ARHGEF28: variants seen among roughly 807,000 people sequenced by gnomAD.
The protein encoded by ARHGEF28 is Rho guanine nucleotide exchange factor 28, also known as 190 kDa guanine nucleotide exchange factor.
ARHGEF28 carries 152 observed loss-of-function variants against 206.6 expected under a neutral mutation model. That is an observed-to-expected ratio of 0.74 (90% CI 0.64 to 0.84). The LOEUF is 0.84. Among genes scored for constraint, ARHGEF28 ranks in the 40% least tolerant of loss-of-function variants. The pLI, the probability that ARHGEF28 is intolerant of heterozygous loss-of-function variation, is 0.00. For missense variants in ARHGEF28, 2,028 were observed against 2,073.2 expected (o/e 0.98, Z 0.42); for synonymous variants, 763 against 776.4 (o/e 0.98, Z 0.29).
intron 9 of ARHGEF28, chr5:73,813,570 A>T: frequency 2.0e-6 from 3 of 1,535,324 alleles, no homozygotes; most frequent in African/African-American, 2.7e-5. Context: ...TCATCTGTTG[A>T]TTTCACCAAA....
At chr5:73,810,946 G>C (rs540528266) in intron 9 of ARHGEF28, among the ~76,000 whole-genome samples, 1 of 152,306 alleles carries the variant, frequency 6.6e-6, no homozygotes, top group East Asian at 1.9e-4. Context: ...TCAACTGTAA[G>C]AAGTATAGTA....
chr5:73,626,667 C>A (rs1052925923), intron 1 of ARHGEF28, among the ~76,000 whole-genome samples: 1 of 152,154 alleles, frequency 6.6e-6, no homozygotes, highest in African/African-American at 2.4e-5. Flanking sequence ...AGCACTCCTG[C>A]GGTGGAGAAG....
intron 7 of ARHGEF28, among the ~76,000 whole-genome samples, chr5:73,781,718 G>A (rs541103419): frequency 6.6e-6 from 1 of 152,110 alleles, no homozygotes; most frequent in South Asian, 2.1e-4. Context: ...GGGTATTTAG[G>A]GTAAAGGTTT....
At position 73,821,119 on chromosome 5, in the gene ARHGEF28, C is replaced by T. The variant is rs143461175; in HGVS notation, c.1025-11219C>T. Among the ~76,000 whole-genome samples the T allele has an allele frequency of 2.5e-3, 373 of 152,028 alleles. 2 individuals are homozygous for T. The highest frequency in any genetic ancestry group is 8.2e-3 in the African/African-American group (340 of 41,446). On this transcript the variant is annotated intron_variant, in intron 9 of 35. Transcript: ENST00000513042. Reference sequence around the variant, plus strand: ...ATCCCACATCCAGCTCTCATTCATCCCTACCTACCCGGTAGTATCTCGGAG... The same window carrying T: ...ATCCCACATCCAGCTCTCATTCATCTCTACCTACCCGGTAGTATCTCGGAG...
In ARHGEF28 at chr5:73,909,708, G is replaced by A. The variant is rs1318052702; in HGVS notation, c.4458G>A (p.Leu1486=). 1 of 1,529,260 alleles carries A rather than the reference G, an allele frequency of 6.5e-7. No homozygotes were observed. Among genetic ancestry groups the A allele is most frequent in the Non-Finnish European group, 8.8e-7 (1 of 1,136,994 alleles). The allele number at this position is 1,529,260 out of a possible 1,614,324, so 94.7% of individuals were successfully genotyped here. A position where few individuals can be genotyped will look rare whatever the true frequency, so the allele number is the denominator to read the frequency against. Residue 1486 remains leucine (L), a synonymous_variant, in exon 34 of 36, where the codon CTG becomes CTA. Coordinates refer to ENST00000513042, the MANE Select transcript of ARHGEF28 (RefSeq NM_001177693.2). The part of the protein sequence containing the change: ...ERECQSQEEL[L]LRSRGELDLQ... ...AGTGCCAGTCGCAGGAGGAGCTGCT[G>A]CTGCGGAGCCGGGGCGAGCTGGACC...
Position 73,893,410 on chromosome 5 carries a change from G to A in ARHGEF28, c.3658+122G>A, listed in dbSNP as rs537772104. On this transcript the variant is annotated intron_variant, in intron 28 of 35. Coordinates refer to ENST00000513042, the MANE Select transcript of ARHGEF28 (RefSeq NM_001177693.2). ...CATCCTGTGCACCTGAGGCCCACCT[G>A]GACCACCCTCCCGAGAAACTTACAC... 29 of 586,864 alleles carry A rather than the reference G, an allele frequency of 4.9e-5. No homozygotes were observed. The South Asian group carries it at 1.5e-3, about 31-fold the overall frequency. The allele number at this position is 586,864 out of a possible 1,614,324, so 36.4% of individuals were successfully genotyped here. A position where few individuals can be genotyped will look rare whatever the true frequency, so the allele number is the denominator to read the frequency against.
chr5:73,904,844 A>C (rs1362069378), intron 33 of ARHGEF28: 1 of 165,208 alleles, frequency 6.1e-6, no homozygotes, highest in Non-Finnish European at 1.3e-5. Flanking sequence ...ACATTTATTA[A>C]TTTATTAATG....
chr5:73,907,532 A>C lies in ARHGEF28; in HGVS notation c.4162-1880A>C, dbSNP rs143130712. Among the ~76,000 whole-genome samples, 6 of 152,332 alleles carry C rather than the reference A, an allele frequency of 3.9e-5. No homozygotes were observed. In the East Asian group the frequency reaches 7.7e-4, roughly 20 times the overall value. On this transcript the variant is annotated intron_variant, in intron 33 of 35. Coordinates refer to ENST00000513042, the MANE Select transcript of ARHGEF28 (RefSeq NM_001177693.2). ...TTATATGTGACTGAAGTTTTTACAT[A>C]AACAATTTTGAATCAGGTGGAATGA...
intron 2 of ARHGEF28, 80 bp from the exon 3 acceptor site, chr5:73,749,757 G>C: frequency 6.6e-7 from 1 of 1,504,796 alleles, no homozygotes; most frequent in South Asian, 1.2e-5. Flanking sequence ...ACACTGTTAT[G>C]GACCCAGGTC....
At chr5:73,828,643 CTTTCCTTTCCTT>C (rs1033368898) in intron 9 of ARHGEF28, among the ~76,000 whole-genome samples, 14 of 140,508 alleles carry the variant, frequency 1.0e-4, no homozygotes, top group East Asian at 4.0e-4. Context: ...TTTGTTTCTC[CTTTCCTTTCCTT>C]TTTCCTTTCC....
At chr5:73,917,323 C>T (rs1229911056) in intron 35 of ARHGEF28, among the ~76,000 whole-genome samples, 1 of 152,168 alleles carries the variant, frequency 6.6e-6, no homozygotes, top group East Asian at 1.9e-4. Context: ...TTAAAGGAAA[C>T]TATAATATTG....
chr5:73,639,793 T>G (rs547744312), intron 1 of ARHGEF28, among the ~76,000 whole-genome samples: 1 of 152,310 alleles, frequency 6.6e-6, no homozygotes, highest in South Asian at 2.1e-4. Flanking sequence ...TGTTGGGGGT[T>G]GACATTTATG....
chr5:73,790,362 G>T (rs1561405666), intron 7 of ARHGEF28, among the ~76,000 whole-genome samples: 3 of 151,250 alleles, frequency 2.0e-5, no homozygotes, highest in Admixed American at 6.6e-5. Flanking sequence ...TAATTTAAAT[G>T]AAAAAAAACC....
chr5:73,653,120 C>T (rs546323842), intron 1 of ARHGEF28, among the ~76,000 whole-genome samples: 5 of 152,268 alleles, frequency 3.3e-5, no homozygotes, highest in East Asian at 1.9e-4. Context: ...ACTTGCCCAG[C>T]GCCACACATC....
chr5:73,720,004 G>T (rs1250395349), intron 2 of ARHGEF28, among the ~76,000 whole-genome samples: 2 of 152,262 alleles, frequency 1.3e-5, no homozygotes, highest in African/African-American at 4.8e-5. Context: ...GCTGAAGAAT[G>T]AGCAGGCACA....
chr5:73,705,851 C>A (rs1217056393), intron 2 of ARHGEF28, among the ~76,000 whole-genome samples: 2 of 152,100 alleles, frequency 1.3e-5, no homozygotes, highest in Non-Finnish European at 2.9e-5. Flanking sequence ...TAGAAATGAC[C>A]CTGGCAGTGA....
At chr5:73,779,022 G>C (rs1487610980) in intron 6 of ARHGEF28, among the ~76,000 whole-genome samples, 19 of 152,134 alleles carry the variant, frequency 1.2e-4, no homozygotes, top group Admixed American at 1.2e-3. Flanking sequence ...TAGTCCTGTA[G>C]AACAATGACA....
At chr5:73,937,466 A>T (rs951421024) in intron 35 of ARHGEF28, among the ~76,000 whole-genome samples, 2 of 152,218 alleles carry the variant, frequency 1.3e-5, no homozygotes, top group African/African-American at 4.8e-5. Context: ...CGCTCTGTTT[A>T]GTTTCCAGAG....
At chr5:73,671,707 TA>T (rs2112216218) in intron 1 of ARHGEF28, among the ~76,000 whole-genome samples, 4 of 10,866 alleles carry the variant, frequency 3.7e-4, no homozygotes, top group South Asian at 4.8e-3. Flanking sequence ...TATATATATA[TA>T]TATATATATA....
Sources: gnomAD v4.1 joint callset for allele counts (sites outside exome capture counted in the v4.1 genomes callset) on GRCh38, gnomAD v4.1.1 for gene constraint, MANE v1.5 for transcripts, NCBI Gene and HGNC (gene_info 2026-07-23, HGNC 2026-07-21) for gene names.